Variants in PKM observed in about 807,000 individuals in gnomAD.
PKM encodes pyruvate kinase PKM.
Under a neutral mutation model 49.8 loss-of-function variants are expected in PKM, and 18 were observed. The observed-to-expected ratio is 0.36, with a 90% CI of 0.25 to 0.54. PKM has a LOEUF of 0.54. Among genes scored for constraint, PKM ranks in the 20% least tolerant of loss-of-function variants. The pLI, the probability that PKM is intolerant of heterozygous loss-of-function variation, is 0.89. For synonymous variants in PKM, 239 were observed against 261.8 expected (o/e 0.91, Z 0.84); for missense variants, 508 against 713.8 (o/e 0.71, Z 3.28).
intron 3 of PKM, among the ~76,000 whole-genome samples, chr15:72,215,678 T>A (rs184939536): frequency 8.5e-5 from 13 of 152,278 alleles, no homozygotes; most frequent in Non-Finnish European, 1.5e-4. Context: ...ATGTTAGAGC[T>A]ATGTGGTGTT....
In PKM at chr15:72,199,481, G is replaced by A; in HGVS notation, c.*169C>T. Reference sequence around the variant, plus strand: ...GGCTCTGGGCTGTCCCACTAGAGCAGGCTGCAAACACAGCCATGTTTCAGT... The same window carrying A: ...GGCTCTGGGCTGTCCCACTAGAGCAAGCTGCAAACACAGCCATGTTTCAGT... On this transcript the variant is annotated 3_prime_UTR_variant, in exon 11 of 11. Transcript: ENST00000335181. 1 of 705,742 alleles carries A rather than the reference G, an allele frequency of 1.4e-6. No individual in the cohort carries two copies. The highest frequency in any genetic ancestry group is 2.6e-6 in the Non-Finnish European group (1 of 383,400). The allele number at this position is 705,742 out of a possible 1,614,324, so 43.7% of individuals were successfully genotyped here.
intron 1 of PKM, among the ~76,000 whole-genome samples, chr15:72,224,262 G>A (rs1419058477): frequency 2.0e-5 from 3 of 152,140 alleles, no homozygotes; most frequent in African/African-American, 7.2e-5. Context: ...GTGTTTCTGG[G>A]TATGATATCC....
chr15:72,199,765 A>G lies in PKM; in HGVS notation c.1490-9T>C, dbSNP rs1311515839. The G allele has an allele frequency of 1.2e-6, 2 of 1,600,216 alleles. No homozygotes were observed. The highest frequency in any genetic ancestry group is 8.6e-7 in the Non-Finnish European group (1 of 1,168,236). Reference sequence around the variant, plus strand: ...GAAGCCTCGGGCCTTGCCTGGAGGAAGAGAAGGGAGGTTGGTGAGTAAAAG... The same window carrying G: ...GAAGCCTCGGGCCTTGCCTGGAGGAGGAGAAGGGAGGTTGGTGAGTAAAAG... On this transcript the variant is annotated splice_polypyrimidine_tract_variant and intron_variant, in intron 10 of 10. Transcript: ENST00000335181.
At chr15:72,231,035 G>A (rs757899148) in intron 1 of PKM, 81 bp downstream of exon 1, 116 of 1,104,728 alleles carry the variant, frequency 1.1e-4, no homozygotes, top group Non-Finnish European at 1.4e-4. Flanking sequence ...GCCCGGGGCC[G>A]GCCGGCGCGC....
intron 3 of PKM, among the ~76,000 whole-genome samples, chr15:72,216,251 T>G (rs1389539962): frequency 6.6e-6 from 1 of 152,248 alleles, no homozygotes; most frequent in East Asian, 1.9e-4. Context: ...AGGTGCAAAG[T>G]TTGCCTCTTC....
At chr15:72,228,728 A>G in intron 1 of PKM, 1 of 724,846 alleles carries the variant, frequency 1.4e-6, no homozygotes, top group Non-Finnish European at 2.1e-6. Context: ...TCAGGCCACC[A>G]AAGGGCAAAT....
chr15:72,219,847 C>G (rs2082476876), intron 1 of PKM, among the ~76,000 whole-genome samples: 1 of 152,200 alleles, frequency 6.6e-6, no homozygotes, highest in African/African-American at 2.4e-5. Context: ...AGTTGCTGGT[C>G]AAATCTTTTC....
intron 1 of PKM, among the ~76,000 whole-genome samples, chr15:72,224,040 T>TA (rs1446895722): frequency 6.6e-6 from 1 of 152,126 alleles, no homozygotes; most frequent in Non-Finnish European, 1.5e-5. Context: ...CAGCTGATGC[T>TA]AAATGGGCCT....
Position 72,219,053 on chromosome 15 carries a change from G to C in PKM, c.45C>G (p.Thr15=). ...CAGCCATGGCTGCGTGCAGCTGCTG[G>C]GTCTGAATGAAGGCAGTCCCGGCTT... ...HSEAGTAFIQ[T]QQLHAAMADT... is the part of the protein sequence containing the mutation. The change falls in exon 2 of 11, where the codon ACC becomes ACG. Residue 15 remains threonine, a synonymous_variant. Transcript: ENST00000335181. 2 of 1,614,152 alleles carry C rather than the reference G, an allele frequency of 1.2e-6. No individual in the cohort carries two copies. The highest frequency in any genetic ancestry group is 1.7e-6 in the Non-Finnish European group (2 of 1,180,010).
chr15:72,231,278 C>G (rs931045007), upstream of PKM: 1 of 156,092 alleles, frequency 6.4e-6, no homozygotes, highest in Non-Finnish European at 1.4e-5. Flanking sequence ...ATCCCGGCTC[C>G]GGGCGACCCG....
Position 72,209,693 on chromosome 15 carries a change from G to C in PKM, c.545C>G (p.Ser182Cys), listed in dbSNP as rs1345988813. 2 of 1,613,682 alleles carry C rather than the reference G, an allele frequency of 1.2e-6. No individual in the cohort carries two copies. The highest frequency in any genetic ancestry group is 1.7e-5 in the Admixed American group (1 of 59,990). The change falls in exon 5 of 11, where the codon TCT becomes TGT. Residue 182 changes from serine (S) to cysteine (C), a missense_variant. Transcript: ENST00000335181. ...CGTACCTTTCTGCTTCACCTGGAGAGAAATAAGCCCATCATCCACGTAGAT... is the reference window on the plus strand; with the variant it reads ...CGTACCTTTCTGCTTCACCTGGAGACAAATAAGCCCATCATCCACGTAGAT... ...SKIYVDDGLI[S>C]LQVKQKGADF...
At chr15:72,228,706 C>T in intron 1 of PKM, 3 of 1,013,120 alleles carry the variant, frequency 3.0e-6, no homozygotes, top group Non-Finnish European at 4.0e-6. Context: ...CCACTCCTGC[C>T]CCCACAGCAC....
chr15:72,227,124 G>C (rs1003351371), intron 1 of PKM, among the ~76,000 whole-genome samples: 1 of 152,154 alleles, frequency 6.6e-6, no homozygotes, highest in Non-Finnish European at 1.5e-5. Flanking sequence ...CAAGCTCCCC[G>C]CAAGTATGGT....
chr15:72,230,900 C>T (rs1308283755), intron 1 of PKM: 1 of 1,284,626 alleles, frequency 7.8e-7, no homozygotes, highest in Non-Finnish European at 1.0e-6. Flanking sequence ...GCGGACCCGC[C>T]TGATCTGGAA....
Position 72,200,563 on chromosome 15 carries a change from C to A in PKM, c.1400G>T (p.Arg467Leu). 6.2e-7 allele frequency: 1 copy of A among 1,614,012 alleles called. No individual in the cohort carries two copies. The highest frequency in any genetic ancestry group is 8.5e-7 in the Non-Finnish European group (1 of 1,179,924). The change falls in exon 10 of 11, where the codon CGT (arginine) becomes CTT (leucine). Residue 467 changes from arginine (R) to leucine (L), a missense_variant. By Grantham distance (102) the Arg-to-Leu change is moderately radical (BLOSUM62 -2). Transcript: ENST00000335181. The surrounding 1 kb of genome is among the most constrained non-coding windows in gnomAD (Gnocchi z 4.6). ...PQTARQAHLY[R>L]GIFPVLCKDP... Reference sequence around the variant, plus strand: ...CTTGCACAGCACAGGGAAGATGCCACGGTACAGGTGGGCCTGACGAGCTGT... The same window carrying A: ...CTTGCACAGCACAGGGAAGATGCCAAGGTACAGGTGGGCCTGACGAGCTGT...
chr15:72,228,575 AC>A, intron 1 of PKM: 1 of 1,179,968 alleles, frequency 8.5e-7, no homozygotes, highest in Non-Finnish European at 1.1e-6. Flanking sequence ...TTCCCCACTC[AC>A]CCAGCGAAGA....
intron 8 of PKM, chr15:72,203,181 C>T (rs2081988344): frequency 1.9e-6 from 3 of 1,613,278 alleles, no homozygotes; most frequent in Non-Finnish European, 2.5e-6. Flanking sequence ...CTCAGCCTCA[C>T]GAGCTATCTG....
chr15:72,203,241 A>C, intron 8 of PKM: 3 of 1,442,812 alleles, frequency 2.1e-6, no homozygotes, highest in Admixed American at 3.3e-5. Flanking sequence ...GGAGGAAAAA[A>C]ACGAGACACA....
intron 1 of PKM, among the ~76,000 whole-genome samples, chr15:72,223,023 CTTTT>C (rs755504486): frequency 7.6e-6 from 1 of 132,108 alleles, no homozygotes; most frequent in Non-Finnish European, 1.6e-5. Context: ...TTTTTTTTTT[CTTTT>C]TTTTTTTTTT....
Sources: gnomAD v4.1 joint callset for allele counts (sites outside exome capture counted in the v4.1 genomes callset) on GRCh38, gnomAD v4.1.1 for gene constraint, Gnocchi (gnomAD v3.1) non-coding constraint, MANE v1.5 for transcripts, NCBI Gene and HGNC (gene_info 2026-07-23, HGNC 2026-07-21) for gene names.